The following STPG1 variants were observed in gnomAD, a reference collection of about 807,000 sequenced individuals.
STPG1 encodes the protein O(6)-methylguanine-induced apoptosis 2.
STPG1 carries 33 observed loss-of-function variants against 40.1 expected under a neutral mutation model. The ratio of observed to expected loss-of-function variants is 0.82; its 90% CI spans 0.62 to 1.10. The LOEUF is 1.10. Ranked by LOEUF, STPG1 falls within the 50% of genes least tolerant of loss-of-function variation. The pLI, the probability that STPG1 is intolerant of heterozygous loss-of-function variation, is 0.00. For synonymous variants in STPG1, 150 were observed against 155.0 expected (o/e 0.97, Z 0.24); for missense variants, 396 against 415.1 (o/e 0.95, Z 0.40).
chr1:24,373,693 G>A lies in STPG1; in HGVS notation c.571+9C>T, dbSNP rs375004526. 6 of 1,594,862 alleles carry A rather than the reference G, an allele frequency of 3.8e-6. No homozygotes were observed. The African/African-American group carries it at 8.0e-5, about 21-fold the overall frequency. ...CTTAGGTCAAGGCCAGTGCAAAGCA[G>A]CTGCTTACCTGGGGGAGGTCCTTTA... On this transcript the variant is annotated intron_variant, in intron 6 of 8. Transcript: ENST00000337248.
intron 2 of STPG1, among the ~76,000 whole-genome samples, chr1:24,397,668 G>A (rs1337826831): frequency 4.0e-5 from 6 of 150,190 alleles, no homozygotes; most frequent in African/African-American, 7.3e-5. Flanking sequence ...AAAACCATAC[G>A]AGTATCTCAA....
chr1:24,372,593 A>C (rs1325660276), intron 6 of STPG1, among the ~76,000 whole-genome samples: 2 of 152,110 alleles, frequency 1.3e-5, no homozygotes, highest in Admixed American at 6.5e-5. Flanking sequence ...ATAAATAGAC[A>C]AGGTGGGGTT....
intron 2 of STPG1, among the ~76,000 whole-genome samples, chr1:24,395,428 A>ATTTTTTTTTTTTTTTTTT (rs71577706): frequency 1.6e-4 from 21 of 128,076 alleles, no homozygotes; most frequent in African/African-American, 5.7e-4. Flanking sequence ...AAATTGAACA[A>ATTTTTTTTTTTTTTTTTT]TTTTTTTTTT....
chr1:24,391,660 T>G lies in STPG1; in HGVS notation c.90A>C (p.Pro30=). ...EVQKGFTAAY[P]TQSSIPFKSQ... Reference sequence around the variant, plus strand: ...ATTTAAAAGGAATGGAGGATTGTGTTGGATATGCAGCAGTAAAACCTAAAC... The same window carrying G: ...ATTTAAAAGGAATGGAGGATTGTGTGGGATATGCAGCAGTAAAACCTAAAC... Residue 30 remains proline (P), a synonymous_variant, in exon 3 of 9, where the codon CCA becomes CCC. Coordinates refer to ENST00000337248, the MANE Select transcript of STPG1 (RefSeq NM_001199013.2). 1 of 1,548,622 alleles carries G rather than the reference T, an allele frequency of 6.5e-7. No homozygotes were observed. Among genetic ancestry groups the G allele is most frequent in the Non-Finnish European group, 8.7e-7 (1 of 1,145,638 alleles).
At chr1:24,382,294 G>A (rs1642321296) in intron 4 of STPG1, among the ~76,000 whole-genome samples, 1 of 152,216 alleles carries the variant, frequency 6.6e-6, no homozygotes, top group South Asian at 2.1e-4. Context: ...AGAAGTTCTC[G>A]GAGAGAAAAC....
chr1:24,365,202 G>A (rs1641376592), intron 7 of STPG1, among the ~76,000 whole-genome samples: 1 of 152,158 alleles, frequency 6.6e-6, no homozygotes, highest in Non-Finnish European at 1.5e-5. Flanking sequence ...AATTGGAGTG[G>A]GGCCAACGGG....
chr1:24,367,043 C>T (rs1434942149), intron 7 of STPG1, among the ~76,000 whole-genome samples: 1 of 152,218 alleles, frequency 6.6e-6, no homozygotes, highest in African/African-American at 2.4e-5. Context: ...CTAGAAGCCC[C>T]AGACACGCAG....
At chr1:24,376,300 C>T (rs920865118) in intron 5 of STPG1, among the ~76,000 whole-genome samples, 2 of 152,114 alleles carry the variant, frequency 1.3e-5, no homozygotes, top group Non-Finnish European at 2.9e-5. Flanking sequence ...GGATTACAGG[C>T]GTGAGCCACT....
In STPG1 at chr1:24,384,014, A is replaced by G; in HGVS notation, c.190-11T>C. ...TCCTGGGATATCATTCTGAAAGGGAAGAGAAGGTGGTGTCATCGAGATACT... is the reference window on the plus strand; with the variant it reads ...TCCTGGGATATCATTCTGAAAGGGAGGAGAAGGTGGTGTCATCGAGATACT... On this transcript the variant is annotated splice_polypyrimidine_tract_variant and intron_variant, in intron 3 of 8. Transcript: ENST00000337248. The G allele has an allele frequency of 6.4e-7, 1 of 1,552,626 alleles. No homozygotes were observed. Among genetic ancestry groups the G allele is most frequent in the South Asian group, 1.1e-5 (1 of 89,816 alleles).
At chr1:24,376,783 C>T (rs1642046990) in intron 5 of STPG1, among the ~76,000 whole-genome samples, 3 of 152,188 alleles carry the variant, frequency 2.0e-5, no homozygotes, top group African/African-American at 7.2e-5. Context: ...CCCAAGTAGC[C>T]TGGTTCCCAC....
Position 24,386,179 on chromosome 1 carries a change from C to T in STPG1, c.190-2176G>A, listed in dbSNP as rs1041840438. 2.6e-5 allele frequency among the ~76,000 whole-genome samples: 4 copies of T among 152,336 alleles called. No individual in the cohort carries two copies. The East Asian group carries it at 5.8e-4, about 22-fold the overall frequency. ...TATCCCATGCAATATTTGGGACATA[C>T]TTGTACTAACAGAGTTGCCATTTAT... On this transcript the variant is annotated intron_variant, in intron 3 of 8. Transcript: ENST00000337248.
intron 1 of STPG1, among the ~76,000 whole-genome samples, chr1:24,409,066 T>C (rs1006850228): frequency 6.6e-6 from 1 of 152,128 alleles, no homozygotes; most frequent in East Asian, 1.9e-4. Flanking sequence ...TCTTTTAGTA[T>C]CTATAAAAGC....
intron 2 of STPG1, chr1:24,401,039 T>C (rs746689921): frequency 2.9e-6 from 1 of 349,442 alleles, no homozygotes; most frequent in Non-Finnish European, 5.2e-6. Flanking sequence ...AATTTGAGGA[T>C]AGAGATTCTT....
chr1:24,361,018 G>T lies in STPG1; in HGVS notation c.761C>A (p.Ser254Tyr). The change falls in exon 8 of 9, where the codon TCT becomes TAT. Residue 254 changes from serine (S) to tyrosine (Y), a missense_variant. Ser to Tyr is a moderately radical substitution (Grantham distance 144, BLOSUM62 -2). Transcript: ENST00000337248. ...LFPKNPILNF[S>Y]AQPSPLPPKP... ...CGGAGGCAGAGGCGAAGGCTGAGCAGAGAAGTTCAGGATGGGGTTTTTCCT... is the reference window on the plus strand; with the variant it reads ...CGGAGGCAGAGGCGAAGGCTGAGCATAGAAGTTCAGGATGGGGTTTTTCCT... 1 of 1,611,744 alleles carries T rather than the reference G, an allele frequency of 6.2e-7. No individual in the cohort carries two copies. Among genetic ancestry groups the T allele is most frequent in the South Asian group, 1.1e-5 (1 of 90,584 alleles).
intron 3 of STPG1, among the ~76,000 whole-genome samples, chr1:24,388,741 C>G (rs551107998): frequency 6.6e-6 from 1 of 152,280 alleles, no homozygotes; most frequent in South Asian, 2.1e-4. Flanking sequence ...TATTGCCTCA[C>G]TAAATTATCA....
intron 3 of STPG1, among the ~76,000 whole-genome samples, chr1:24,386,700 A>G (rs1356185147): frequency 6.6e-6 from 1 of 152,072 alleles, no homozygotes; most frequent in African/African-American, 2.4e-5. Flanking sequence ...CCTGTGCAAA[A>G]ACAGTTCCTG....
At chr1:24,373,601 T>C (rs1570011042) in intron 6 of STPG1, 101 bp downstream of exon 6, 2 of 813,680 alleles carry the variant, frequency 2.5e-6, no homozygotes, top group South Asian at 1.5e-5. Flanking sequence ...ACCCAAAGAC[T>C]AAATCCTTCC....
At chr1:24,385,250 G>A (rs1642456625) in intron 3 of STPG1, among the ~76,000 whole-genome samples, 1 of 152,230 alleles carries the variant, frequency 6.6e-6, no homozygotes, top group Non-Finnish European at 1.5e-5. Context: ...GGGTTCTTCT[G>A]TGCTGACTTT....
At chr1:24,369,512 A>G in intron 7 of STPG1, 162 bp downstream of exon 7, 3 of 745,974 alleles carry the variant, frequency 4.0e-6, no homozygotes, top group Non-Finnish European at 4.7e-6. Flanking sequence ...TCAGGCATTC[A>G]ACAGGCATTT....
Sources: allele counts gnomAD v4.1 joint callset (sites outside exome capture counted in the v4.1 genomes callset), GRCh38; gene constraint gnomAD v4.1.1; transcripts MANE v1.5; gene names NCBI Gene and HGNC (gene_info 2026-07-23, HGNC 2026-07-21).